Variants in ARL15 observed in about 807,000 individuals in gnomAD.
ARL15 encodes ARF like GTPase 15.
A neutral mutation model predicts 25.2 loss-of-function variants in ARL15; 19 were observed. The ratio of observed to expected loss-of-function variants is 0.75; its 90% CI spans 0.53 to 1.10. The LOEUF (loss-of-function observed/expected upper bound fraction) is 1.10. ARL15 is among the 50% of genes least tolerant of loss of function. The pLI is 0.00. For synonymous variants in ARL15, 94 were observed against 86.8 expected, an observed-to-expected ratio of 1.08 and a Z score of -0.46; for missense variants, 220 against 246.0, an observed-to-expected ratio of 0.89 and a Z score of 0.71.
chr5:54,203,290 A>G (rs1755772726), intron 1 of ARL15, among the ~76,000 whole-genome samples: 1 of 152,212 alleles, frequency 6.6e-6, no homozygotes, highest in Non-Finnish European at 1.5e-5. Context: ...GAGTTTTAAT[A>G]TATTTCAAAA....
chr5:54,002,574 A>G (rs1290167227), intron 4 of ARL15, among the ~76,000 whole-genome samples: 1 of 152,208 alleles, frequency 6.6e-6, no homozygotes, highest in Non-Finnish European at 1.5e-5. Context: ...TACTTTATTC[A>G]CACTGTGACT....
intron 4 of ARL15, among the ~76,000 whole-genome samples, chr5:54,014,447 A>G (rs545982526): frequency 2.0e-5 from 3 of 152,178 alleles, no homozygotes; most frequent in African/African-American, 7.2e-5. Context: ...TCTCCCAAGT[A>G]ATCATTTATT....
intron 1 of ARL15, among the ~76,000 whole-genome samples, chr5:54,241,073 G>T (rs972340063): frequency 6.6e-6 from 1 of 152,046 alleles, no homozygotes; most frequent in African/African-American, 2.4e-5. Flanking sequence ...CCAAACTTCT[G>T]AATTATTAAT....
At position 54,123,664 on chromosome 5, in the gene ARL15, A is replaced by T. The variant is rs1001284924; in HGVS notation, c.254-10254T>A. ...ATCAGACTTCCCTCTTTACACAATTACTATATATTAAAACAAGACTAGCCC... is the reference window on the plus strand; with the variant it reads ...ATCAGACTTCCCTCTTTACACAATTTCTATATATTAAAACAAGACTAGCCC... On this transcript the variant is annotated intron_variant, in intron 3 of 4. Transcript: ENST00000504924. Among the ~76,000 whole-genome samples the T allele has an allele frequency of 6.6e-5, 10 of 152,256 alleles. No individual in the cohort carries two copies. In the South Asian group the frequency reaches 2.1e-3, roughly 32 times the overall value.
intron 4 of ARL15, among the ~76,000 whole-genome samples, chr5:53,991,375 C>T (rs996288751): frequency 6.6e-6 from 1 of 151,878 alleles, no homozygotes; most frequent in African/African-American, 2.4e-5. Flanking sequence ...AACTCCATCT[C>T]TACTAAAAAT....
At chr5:54,023,746 G>C (rs1394617896) in intron 4 of ARL15, among the ~76,000 whole-genome samples, 1 of 152,142 alleles carries the variant, frequency 6.6e-6, no homozygotes, top group African/African-American at 2.4e-5. Context: ...CTGAGAGTCT[G>C]GACTTGCCAA....
intron 3 of ARL15, among the ~76,000 whole-genome samples, chr5:54,145,423 C>A (rs1393059275): frequency 1.3e-5 from 2 of 152,182 alleles, no homozygotes; most frequent in Non-Finnish European, 2.9e-5. Flanking sequence ...CAGCTTTGAA[C>A]GTGTCAGAGA....
chr5:54,004,232 C>A (rs909584180), intron 4 of ARL15, among the ~76,000 whole-genome samples: 1 of 152,146 alleles, frequency 6.6e-6, no homozygotes, highest in Non-Finnish European at 1.5e-5. Flanking sequence ...TGGTGGCTCA[C>A]GCCTGTAATC....
intron 4 of ARL15, among the ~76,000 whole-genome samples, chr5:53,948,229 G>A (rs371081622): frequency 6.6e-6 from 1 of 152,204 alleles, no homozygotes; most frequent in Non-Finnish European, 1.5e-5. Context: ...ACAAACAAAT[G>A]TAAGTGTCCA....
chr5:54,201,050 A>C (rs1053862054), intron 1 of ARL15, among the ~76,000 whole-genome samples: 1 of 150,442 alleles, frequency 6.6e-6, no homozygotes, highest in African/African-American at 2.4e-5. Context: ...TGGGTTAGGA[A>C]AAAAAAAAAG....
chr5:54,111,717 G>C (rs1752748295), intron 4 of ARL15, among the ~76,000 whole-genome samples: 1 of 151,996 alleles, frequency 6.6e-6, no homozygotes, highest in African/African-American at 2.4e-5. Context: ...ACATTATACT[G>C]TCTACATGTA....
At chr5:54,016,349 T>C (rs184090336) in intron 4 of ARL15, among the ~76,000 whole-genome samples, 7 of 152,332 alleles carry the variant, frequency 4.6e-5, no homozygotes, top group Admixed American at 2.6e-4. Context: ...CAGTCATTGA[T>C]GCTCCTGGCC....
intron 4 of ARL15, among the ~76,000 whole-genome samples, chr5:54,082,587 C>A (rs544802975): frequency 6.6e-6 from 1 of 152,158 alleles, no homozygotes; most frequent in South Asian, 2.1e-4. Context: ...ACACTAAAGA[C>A]ACATAATCTA....
chr5:54,146,072 T>G (rs912118678), intron 3 of ARL15, among the ~76,000 whole-genome samples: 1 of 152,202 alleles, frequency 6.6e-6, no homozygotes, highest in African/African-American at 2.4e-5. Context: ...CAGACTGTAA[T>G]GCTTCTCAAG....
chr5:54,047,224 G>A (rs570774833), intron 4 of ARL15, among the ~76,000 whole-genome samples: 35 of 152,174 alleles, frequency 2.3e-4, no homozygotes, highest in Admixed American at 9.8e-4. Flanking sequence ...CTGAGGGACT[G>A]CATTAAACAA....
chr5:54,299,481 A>G (rs1354330209), intron 1 of ARL15, among the ~76,000 whole-genome samples: 1 of 151,994 alleles, frequency 6.6e-6, no homozygotes, highest in Non-Finnish European at 1.5e-5. Flanking sequence ...AAACGATAAT[A>G]GTAAATGTAT....
intron 1 of ARL15, among the ~76,000 whole-genome samples, chr5:54,187,295 T>C (rs185528774): frequency 9.9e-5 from 15 of 152,248 alleles, no homozygotes; most frequent in African/African-American, 3.4e-4. Context: ...GCTACCAGGT[T>C]GTTGAGGAAA....
At chr5:54,023,143 AATTAT>A (rs1161135297) in intron 4 of ARL15, among the ~76,000 whole-genome samples, 1 of 152,160 alleles carries the variant, frequency 6.6e-6, no homozygotes, top group Non-Finnish European at 1.5e-5. Context: ...TATTTAAGAC[AATTAT>A]ATTATAAATG....
rs1305988568 is a variant in ARL15 at position 54,310,547 on chromosome 5, C to A, written c.-68G>T. 37 of 1,519,506 alleles carry A rather than the reference C, an allele frequency of 2.4e-5. No individual in the cohort carries two copies. Among genetic ancestry groups the A allele is most frequent in the Non-Finnish European group, 3.1e-5 (35 of 1,122,868 alleles). 94.1% of individuals were successfully genotyped at this position (1,519,506 alleles called of 1,614,324 possible). On this transcript the variant is annotated 5_prime_UTR_variant, in exon 1 of 5. Coordinates refer to ENST00000504924, the MANE Select transcript of ARL15 (RefSeq NM_019087.3). ...AAAAAGCAGCGTCTCTGGCTGCGAGCGAGCAGCTCCTGAAAAAGCCAGCAA... is the reference window on the plus strand; with the variant it reads ...AAAAAGCAGCGTCTCTGGCTGCGAGAGAGCAGCTCCTGAAAAAGCCAGCAA...
Sources: gnomAD v4.1 joint callset for allele counts (sites outside exome capture counted in the v4.1 genomes callset) on GRCh38, gnomAD v4.1.1 for gene constraint, MANE v1.5 for transcripts, NCBI Gene and HGNC (gene_info 2026-07-23, HGNC 2026-07-21) for gene names.